OR3A2: variants seen among roughly 807,000 people sequenced by gnomAD.
OR3A2 encodes the protein olfactory receptor 3A2.
For missense variants in OR3A2, 318 were observed against 392.8 expected (o/e 0.81, Z 1.61); for synonymous variants, 126 against 159.3 (o/e 0.79, Z 1.57).
At chr17:3,294,289 A>G (rs546779393) in intron 3 of OR3A2, among the ~76,000 whole-genome samples, 2 of 152,168 alleles carry the variant, frequency 1.3e-5, no homozygotes, top group African/African-American at 4.8e-5. Flanking sequence ...GAGCTGGAAG[A>G]AGAAAGAAAA....
chr17:3,376,368 G>T (rs2049684220), intron 2 of OR3A2, among the ~76,000 whole-genome samples: 1 of 152,136 alleles, frequency 6.6e-6, no homozygotes, highest in Non-Finnish European at 1.5e-5. Context: ...TATGTCTTTT[G>T]TCTTTGGCTA....
chr17:3,381,431 TG>T (rs1283955983), intron 2 of OR3A2, among the ~76,000 whole-genome samples: 1 of 152,064 alleles, frequency 6.6e-6, no homozygotes, highest in African/African-American at 2.4e-5. Flanking sequence ...GACCTGGGCC[TG>T]AGGAAAGGGC....
chr17:3,336,522 A>C (rs17704721), intron 2 of OR3A2, among the ~76,000 whole-genome samples: 9,502 of 152,284 alleles, frequency 0.062, 345 homozygotes, highest in Middle Eastern at 0.11. Context: ...ATTTCAAATA[A>C]ACTTAGATGT....
intron 2 of OR3A2, among the ~76,000 whole-genome samples, chr17:3,373,955 T>C (rs1035856603): frequency 3.9e-5 from 6 of 152,218 alleles, no homozygotes; most frequent in Admixed American, 1.3e-4. Flanking sequence ...TATTACCAGA[T>C]CCAGAACTCC....
chr17:3,376,327 A>G lies in OR3A2; in HGVS notation c.-179+7477T>C, dbSNP rs143961530. Among the ~76,000 whole-genome samples the G allele has an allele frequency of 8.5e-5, 13 of 152,312 alleles. No individual in the cohort carries two copies. In the East Asian group the frequency reaches 2.5e-3, roughly 29 times the overall value. ...GCCAGGATAAATAATGGGGTTTCTC[A>G]GGTGACGGTTGGGGCCACAGAGCTC... On this transcript the variant is annotated intron_variant, in intron 2 of 4. Coordinates refer to the OR3A2 transcript ENST00000573491.
At chr17:3,280,462 C>T (rs1001302440) in intron 1 of OR3A2, among the ~76,000 whole-genome samples, 2 of 151,888 alleles carry the variant, frequency 1.3e-5, no homozygotes, top group African/African-American at 4.8e-5. Context: ...TTAGTAGAGA[C>T]GGGGTTTCAC....
At chr17:3,321,707 G>T (rs2049123835) in intron 3 of OR3A2, among the ~76,000 whole-genome samples, 1 of 152,166 alleles carries the variant, frequency 6.6e-6, no homozygotes, top group South Asian at 2.1e-4. Context: ...TGTTGAACCA[G>T]CCTTGCATCC....
intron 3 of OR3A2, among the ~76,000 whole-genome samples, chr17:3,332,392 G>T (rs951753044): frequency 1.3e-5 from 2 of 152,240 alleles, no homozygotes; most frequent in Non-Finnish European, 2.9e-5. Context: ...CTCCGAGCCA[G>T]GTGCAGGATA....
intron 3 of OR3A2, among the ~76,000 whole-genome samples, chr17:3,302,572 G>A (rs959526151): frequency 2.0e-5 from 3 of 152,176 alleles, no homozygotes; most frequent in African/African-American, 7.2e-5. Flanking sequence ...TACACTGCTG[G>A]TGAGATCATA....
intron 3 of OR3A2, chr17:3,298,239 T>C (rs1163424457): frequency 1.3e-5 from 2 of 152,052 alleles, no homozygotes; most frequent in African/African-American, 4.8e-5. Flanking sequence ...AAGAAGCCTG[T>C]CTTACACAGG....
chr17:3,345,392 C>G (rs988261087), intron 2 of OR3A2, among the ~76,000 whole-genome samples: 2 of 148,080 alleles, frequency 1.4e-5, no homozygotes, highest in Non-Finnish European at 3.0e-5. Context: ...AGAGAGAGTA[C>G]AAGACCAAAA....
chr17:3,292,404 G>T lies in OR3A2; in HGVS notation c.-84-13251C>A, dbSNP rs201853018. 322 of 1,614,014 alleles carry T rather than the reference G, an allele frequency of 2.0e-4. 4 individuals are homozygous for T. The East Asian group carries it at 7.1e-3, about 36-fold the overall frequency. On this transcript the variant is annotated intron_variant, in intron 3 of 4. Coordinates refer to the OR3A2 transcript ENST00000573491. ...GTTCCCCAGGAAGAAGTACATGGGG[G>T]TGTGGAGTTTGGGCTCCACCAAGAC...
intron 2 of OR3A2, among the ~76,000 whole-genome samples, chr17:3,361,927 T>A (rs1186975100): frequency 6.6e-6 from 1 of 151,684 alleles, no homozygotes; most frequent in African/African-American, 2.4e-5. Context: ...GATGCTGGCC[T>A]CATAAAATGA....
intron 2 of OR3A2, among the ~76,000 whole-genome samples, chr17:3,374,634 T>C (rs1030052108): frequency 1.3e-5 from 2 of 152,212 alleles, no homozygotes; most frequent in Admixed American, 1.3e-4. Flanking sequence ...TTCCAGAAAT[T>C]GTGATTATCT....
At chr17:3,375,450 A>G (rs1174316719) in intron 2 of OR3A2, among the ~76,000 whole-genome samples, 2 of 151,402 alleles carry the variant, frequency 1.3e-5, no homozygotes, top group African/African-American at 4.9e-5. Context: ...CTACAGGCAT[A>G]TGCCACCATG....
intron 3 of OR3A2, among the ~76,000 whole-genome samples, chr17:3,295,140 G>T (rs541197960): frequency 9.8e-4 from 149 of 152,036 alleles, no homozygotes; most frequent in African/African-American, 3.4e-3. Flanking sequence ...AATCTCAAAA[G>T]GTAAAATGTT....
At chr17:3,294,561 C>A (rs575377313) in intron 3 of OR3A2, among the ~76,000 whole-genome samples, 2 of 152,236 alleles carry the variant, frequency 1.3e-5, no homozygotes, top group East Asian at 3.9e-4. Context: ...AAACACTTGA[C>A]TTTACAATTC....
chr17:3,357,891 A>C (rs188523729), intron 2 of OR3A2, among the ~76,000 whole-genome samples: 2 of 151,490 alleles, frequency 1.3e-5, no homozygotes, highest in African/African-American at 4.9e-5. Context: ...TTTTACCACA[A>C]AAACAATTTT....
At chr17:3,298,581 C>T (rs2048939126) in intron 3 of OR3A2, among the ~76,000 whole-genome samples, 1 of 152,218 alleles carries the variant, frequency 6.6e-6, no homozygotes, top group Admixed American at 6.5e-5. Flanking sequence ...AGATCTTTCT[C>T]TCACTTGATA....
Sources: allele counts gnomAD v4.1 joint callset (sites outside exome capture counted in the v4.1 genomes callset), GRCh38; gene constraint gnomAD v4.1.1; transcripts MANE v1.5; gene names NCBI Gene and HGNC (gene_info 2026-07-23, HGNC 2026-07-21).